GRK5: variants seen among roughly 807,000 people sequenced by gnomAD.
The protein encoded by GRK5 is G protein-coupled receptor kinase 5.
Under a neutral mutation model 78.4 loss-of-function variants are expected in GRK5, and 40 were observed. That is an observed-to-expected ratio of 0.51 (90% confidence interval 0.40 to 0.66). The LOEUF (loss-of-function observed/expected upper bound fraction) is 0.66. Ranked by LOEUF, GRK5 falls within the 30% of genes least tolerant of loss-of-function variation. The pLI, the probability that GRK5 is intolerant of heterozygous loss-of-function variation, is 0.00. For synonymous variants in GRK5, 289 were observed against 296.8 expected (o/e 0.97, Z 0.27); for missense variants, 598 against 759.9 (o/e 0.79, Z 2.50).
At chr10:119,439,441 G>C (rs1205105175) in intron 9 of GRK5, among the ~76,000 whole-genome samples, 1 of 152,248 alleles carries the variant, frequency 6.6e-6, no homozygotes, top group East Asian at 1.9e-4. Context: ...CAGACCTGCA[G>C]TCATTGATGT....
intron 1 of GRK5, among the ~76,000 whole-genome samples, chr10:119,307,633 A>T (rs1233031228): frequency 6.6e-6 from 1 of 152,150 alleles, no homozygotes; most frequent in Non-Finnish European, 1.5e-5. Context: ...TAGCCCGGTG[A>T]ATCTGATTCC....
chr10:119,348,949 C>T (rs1344304964), intron 2 of GRK5, among the ~76,000 whole-genome samples: 1 of 152,214 alleles, frequency 6.6e-6, no homozygotes, highest in Non-Finnish European at 1.5e-5. Context: ...GAGGGCCGCT[C>T]TTGAAGTCCT....
At chr10:119,219,338 A>G (rs1848626980) in intron 1 of GRK5, among the ~76,000 whole-genome samples, 1 of 152,080 alleles carries the variant, frequency 6.6e-6, no homozygotes, top group African/African-American at 2.4e-5. Flanking sequence ...CTCAGCCTCC[A>G]AAGTAGCTGG....
chr10:119,449,711 C>T, intron 13 of GRK5, among the ~76,000 whole-genome samples: 1 of 152,184 alleles, frequency 6.6e-6, no homozygotes, highest in East Asian at 1.9e-4. Flanking sequence ...ATCACTTGAA[C>T]CCAGGAGGCA....
chr10:119,454,878 G>A (rs1853370900), intron 15 of GRK5, 91 bp from the exon 16 acceptor site: 1 of 806,498 alleles, frequency 1.2e-6, no homozygotes, highest in African/African-American at 1.7e-5. Context: ...AGCAAGGGTT[G>A]GAGCAGGCAG....
chr10:119,362,889 C>A (rs1170373373), intron 2 of GRK5, among the ~76,000 whole-genome samples: 1 of 152,216 alleles, frequency 6.6e-6, no homozygotes, highest in Non-Finnish European at 1.5e-5. Flanking sequence ...CACTCAGTTC[C>A]ATTTAACCCC....
chr10:119,344,108 C>CTTTTTTA (rs1851032262), intron 2 of GRK5, among the ~76,000 whole-genome samples: 1 of 150,928 alleles, frequency 6.6e-6, no homozygotes, highest in South Asian at 2.1e-4. Flanking sequence ...GTAACAGATC[C>CTTTTTTA]TTTTTTATTT....
At chr10:119,226,328 T>C (rs1848740512) in intron 1 of GRK5, among the ~76,000 whole-genome samples, 1 of 149,364 alleles carries the variant, frequency 6.7e-6, no homozygotes, top group Non-Finnish European at 1.5e-5. Context: ...TTTTTTTTTT[T>C]TGAGATGAAG....
intron 1 of GRK5, among the ~76,000 whole-genome samples, chr10:119,286,352 C>T (rs1037851777): frequency 6.6e-6 from 1 of 152,202 alleles, no homozygotes; most frequent in Admixed American, 6.5e-5. Context: ...CACAAGTTGG[C>T]TCAAAATCTG....
intron 1 of GRK5, among the ~76,000 whole-genome samples, chr10:119,326,238 G>A (rs1850674899): frequency 6.6e-6 from 1 of 152,250 alleles, no homozygotes; most frequent in Admixed American, 6.5e-5. Context: ...GGGAACAGCC[G>A]TGGGGGATGC....
At position 119,431,423 on chromosome 10, in the gene GRK5, T is replaced by C; in HGVS notation, c.634T>C (p.Tyr212His). 1.2e-6 allele frequency: 2 copies of C among 1,613,944 alleles called. No individual in the cohort carries two copies. Among genetic ancestry groups the C allele is most frequent in the Non-Finnish European group, 1.7e-6 (2 of 1,179,918 alleles). ...ACQVRATGKM[Y>H]ACKRLEKKRI... ...CCAGGTTCGGGCCACGGGTAAAATG[T>C]ATGCCTGCAAGCGCTTGGAGAAGAA... is the stretch of plus-strand genomic sequence containing the variant. The change falls in exon 8 of 16, where the codon TAT (tyrosine) becomes CAT (histidine). Residue 212 changes from tyrosine to histidine, a missense_variant. Tyr to His is a moderately conservative substitution (Grantham distance 83). Transcript: ENST00000392870. The surrounding 1 kb of genome is among the most constrained non-coding windows in gnomAD (Gnocchi z 4.8).
At chr10:119,246,054 G>C (rs1193434579) in intron 1 of GRK5, among the ~76,000 whole-genome samples, 1 of 119,162 alleles carries the variant, frequency 8.4e-6, no homozygotes, top group Non-Finnish European at 1.8e-5. Flanking sequence ...AAGAAAAAAA[G>C]ATAAATTTGT....
intron 4 of GRK5, 66 bp downstream of exon 4, chr10:119,396,838 A>G (rs1280264495): frequency 4.0e-6 from 5 of 1,242,200 alleles, no homozygotes; most frequent in Non-Finnish European, 4.7e-6. Context: ...AGGAGCCCCT[A>G]AGTCTGTGCC....
At chr10:119,424,926 C>G in intron 5 of GRK5, 67 bp from the exon 6 acceptor site, 4 of 1,142,100 alleles carry the variant, frequency 3.5e-6, no homozygotes, top group Non-Finnish European at 5.3e-6. Flanking sequence ...AAGCTGGACA[C>G]AGCTTTGCCC....
At chr10:119,256,516 G>A (rs1349402957) in intron 1 of GRK5, among the ~76,000 whole-genome samples, 1 of 152,180 alleles carries the variant, frequency 6.6e-6, no homozygotes, top group Admixed American at 6.5e-5. Context: ...GCTGCCTCCT[G>A]TACACAGTAT....
chr10:119,355,368 G>A (rs545623309), intron 2 of GRK5, among the ~76,000 whole-genome samples: 29 of 152,304 alleles, frequency 1.9e-4, no homozygotes, highest in African/African-American at 6.7e-4. Flanking sequence ...ATGAGTACAG[G>A]TATCTCTACG....
rs1848961672 is a variant in GRK5, at chr10:119,238,030, AC to A, written c.52+30062del. 6.6e-6 allele frequency among the ~76,000 whole-genome samples: 1 copy of A among 152,284 alleles called. No individual in the cohort carries two copies. The highest frequency in any genetic ancestry group is 1.9e-4 in the East Asian group (1 of 5,178). On this transcript the variant is annotated intron_variant, in intron 1 of 15. Transcript: ENST00000392870. This position sits in a 1 kb window ranked among gnomAD's most constrained non-coding sequence, Gnocchi z 4.7. Reference sequence around the variant, plus strand: ...TCTTGCATTTCCTGTCTTTAAACTTACGAACTAAAGGGCTTGAGGGTGAGGG... The same window carrying A: ...TCTTGCATTTCCTGTCTTTAAACTTAGAACTAAAGGGCTTGAGGGTGAGGG...
At chr10:119,316,864 C>T (rs914092045) in intron 1 of GRK5, among the ~76,000 whole-genome samples, 2 of 152,150 alleles carry the variant, frequency 1.3e-5, no homozygotes, top group African/African-American at 4.8e-5. Context: ...GCCCCCCGTC[C>T]CTCCCTGGAA....
chr10:119,391,345 TG>T (rs1434631501), intron 3 of GRK5, among the ~76,000 whole-genome samples: 2 of 152,006 alleles, frequency 1.3e-5, no homozygotes, highest in Non-Finnish European at 2.9e-5. Context: ...CCATTCTCAC[TG>T]GGGAGCAGAA....
Sources: allele counts gnomAD v4.1 joint callset (sites outside exome capture counted in the v4.1 genomes callset), GRCh38; gene constraint gnomAD v4.1.1; non-coding constraint Gnocchi (gnomAD v3.1); transcripts MANE v1.5; gene names NCBI Gene and HGNC (gene_info 2026-07-23, HGNC 2026-07-21).